The following PCDH15 variants were observed in gnomAD, a reference collection of about 807,000 sequenced individuals.
PCDH15 encodes the protein protocadherin related 15, also known as protocadherin-15.
In PCDH15, 129 loss-of-function variants were observed where a neutral mutation model predicts 178.5. The observed-to-expected ratio is 0.72, with a 90% confidence interval of 0.63 to 0.84. PCDH15 has a LOEUF of 0.84. Among genes scored for constraint, PCDH15 ranks in the 40% least tolerant of loss-of-function variants. PCDH15 has a pLI of 0.00. For synonymous variants in PCDH15, 800 were observed against 732.0 expected (o/e 1.09, Z -1.50); for missense variants, 2,230 against 2,099.9 (o/e 1.06, Z -1.21).
chr10:55,591,893 G>A (rs1169465123), intron 2 of PCDH15, among the ~76,000 whole-genome samples: 2 of 152,058 alleles, frequency 1.3e-5, no homozygotes, highest in Admixed American at 1.3e-4. Context: ...TATTAGATGT[G>A]TAATACACAT....
At chr10:54,653,615 T>C (rs865842784) in intron 2 of PCDH15, among the ~76,000 whole-genome samples, 88 of 152,298 alleles carry the variant, frequency 5.8e-4, no homozygotes, top group African/African-American at 2.0e-3. Flanking sequence ...TTTGTTACCT[T>C]TGGATTCTTT....
intron 2 of PCDH15, among the ~76,000 whole-genome samples, chr10:55,453,058 A>G: frequency 6.6e-6 from 1 of 152,278 alleles, no homozygotes; most frequent in Non-Finnish European, 1.5e-5. Context: ...AATAAACTAA[A>G]TACCTCTACA....
intron 2 of PCDH15, among the ~76,000 whole-genome samples, chr10:55,566,670 AAAT>A (rs1842308755): frequency 6.6e-6 from 1 of 151,838 alleles, no homozygotes; most frequent in Admixed American, 6.6e-5. Flanking sequence ...AAAATTAATA[AAAT>A]AATTTAATTT....
intron 3 of PCDH15, among the ~76,000 whole-genome samples, chr10:54,854,709 T>A: frequency 6.6e-6 from 1 of 152,170 alleles, no homozygotes; most frequent in East Asian, 1.9e-4. Context: ...CAGCTCTGGC[T>A]GATCCCAGGG....
At chr10:54,232,753 A>T (rs544912447) in intron 9 of PCDH15, among the ~76,000 whole-genome samples, 1 of 152,066 alleles carries the variant, frequency 6.6e-6, no homozygotes, top group East Asian at 1.9e-4. Flanking sequence ...AGTAAATTGC[A>T]TCTTATCTCT....
Position 54,023,231 on chromosome 10 carries a change from C to T in PCDH15, c.2221-34G>A, listed in dbSNP as rs57385317. 36,159 of 1,595,236 alleles carry T rather than the reference C, an allele frequency of 0.023. 3,803 individuals are homozygous for T. The African/African-American group carries it at 0.29, about 13-fold the overall frequency. ...TAAAACAAAAAAACAAAAAAATTCA[C>T]GTAAGTTTTGACGGGCTACTGTAAA... On this transcript the variant is annotated intron_variant, in intron 18 of 37. Coordinates refer to ENST00000644397, the MANE Select transcript of PCDH15 (RefSeq NM_001384140.1).
chr10:54,608,846 A>T (rs1394919081), intron 2 of PCDH15, among the ~76,000 whole-genome samples: 1 of 152,086 alleles, frequency 6.6e-6, no homozygotes, highest in African/African-American at 2.4e-5. Context: ...TGAGAAAAAA[A>T]AATCAGTCCC....
At chr10:54,193,288 T>C (rs935139937) in intron 11 of PCDH15, among the ~76,000 whole-genome samples, 4 of 152,138 alleles carry the variant, frequency 2.6e-5, no homozygotes, top group African/African-American at 9.7e-5. Context: ...TAGGCAAGCA[T>C]AGGGCTTAGT....
At chr10:54,580,239 C>CA (rs1319354395) in intron 2 of PCDH15, among the ~76,000 whole-genome samples, 1 of 151,712 alleles carries the variant, frequency 6.6e-6, no homozygotes, top group African/African-American at 2.4e-5. Context: ...ATGAACAAAA[C>CA]AAAAAAGAGA....
At chr10:54,813,969 C>T (rs1053542275) in intron 3 of PCDH15, among the ~76,000 whole-genome samples, 1 of 152,144 alleles carries the variant, frequency 6.6e-6, no homozygotes, top group African/African-American at 2.4e-5. Context: ...AAGCATGTCA[C>T]AATCACTCCA....
intron 13 of PCDH15, among the ~76,000 whole-genome samples, chr10:54,172,390 C>G (rs1055728903): frequency 2.6e-5 from 4 of 152,084 alleles, no homozygotes; most frequent in African/African-American, 9.7e-5. Context: ...CGGCCCCACC[C>G]TTATCTCCCT....
At chr10:54,659,767 A>AAAT (rs1565878522) in intron 2 of PCDH15, among the ~76,000 whole-genome samples, 1 of 150,010 alleles carries the variant, frequency 6.7e-6, no homozygotes, top group Non-Finnish European at 1.5e-5. Flanking sequence ...AAAAAAAAAA[A>AAAT]ATACATATCA....
In PCDH15 at chr10:54,310,272, G is replaced by A. The variant is rs575816336; in HGVS notation, c.876+6999C>T. 1.1e-4 allele frequency among the ~76,000 whole-genome samples: 16 copies of A among 152,124 alleles called. No individual in the cohort carries two copies. The East Asian group carries it at 2.9e-3, about 28-fold the overall frequency. ...AACACCAAAAAATCAGATCAGCATT[G>A]TATTGAAAAACAAAAACAAAAACAA... On this transcript the variant is annotated intron_variant, in intron 8 of 37. Coordinates refer to ENST00000644397, the MANE Select transcript of PCDH15 (RefSeq NM_001384140.1).
intron 2 of PCDH15, among the ~76,000 whole-genome samples, chr10:54,930,578 CTA>C (rs1383354547): frequency 6.6e-6 from 1 of 152,144 alleles, no homozygotes; most frequent in Non-Finnish European, 1.5e-5. Context: ...ACTTGTGTGA[CTA>C]GCTTGGTCAA....
chr10:54,123,729 G>C (rs1049630419), intron 15 of PCDH15, among the ~76,000 whole-genome samples: 2 of 152,076 alleles, frequency 1.3e-5, no homozygotes, highest in African/African-American at 4.8e-5. Flanking sequence ...TACTCTTCAT[G>C]ATAGCAAGGA....
intron 1 of PCDH15, among the ~76,000 whole-genome samples, chr10:55,284,475 A>T (rs143115500): frequency 6.6e-6 from 1 of 152,128 alleles, no homozygotes; most frequent in Non-Finnish European, 1.5e-5. Context: ...GCTCAAAAGA[A>T]TGAGTTATGG....
chr10:55,599,316 C>A (rs1843013149), intron 2 of PCDH15: 1 of 152,232 alleles, frequency 6.6e-6, no homozygotes, highest in African/African-American at 2.4e-5. Flanking sequence ...AATTTTAGTT[C>A]AACTTTAAAC....
chr10:54,329,696 T>C lies in PCDH15; in HGVS notation c.605A>G (p.Asp202Gly), dbSNP rs1402813863. The change falls in exon 7 of 38, where the codon GAC (aspartate) becomes GGC (glycine). Residue 202 changes from aspartate to glycine, a missense_variant. Transcript: ENST00000644397. Reference protein sequence around the residue: ...QYNPDDPTSNDTFEIPLMLTG... With the variant: ...QYNPDDPTSNGTFEIPLMLTG... ...CAACATTAGGGGAATTTCAAAGGTGTCATTGGATGTCTGCAAATATTAAAG... is the reference window on the plus strand; with the variant it reads ...CAACATTAGGGGAATTTCAAAGGTGCCATTGGATGTCTGCAAATATTAAAG... 1.3e-6 allele frequency: 2 copies of C among 1,569,850 alleles called. No homozygotes were observed. Among genetic ancestry groups the C allele is most frequent in the South Asian group, 2.2e-5 (2 of 90,220 alleles).
chr10:54,110,774 G>A lies in PCDH15; in HGVS notation c.1918-20711C>T, dbSNP rs370400288. ...GTGTATGACTGGGAAAATCAGAGAC[G>A]AAGATGACATTTTTTCCCTTATTTT... is the stretch of plus-strand genomic sequence containing the variant. On this transcript the variant is annotated intron_variant, in intron 15 of 37. Transcript: ENST00000644397. 3.9e-5 allele frequency among the ~76,000 whole-genome samples: 6 copies of A among 152,086 alleles called. No homozygotes were observed. The East Asian group carries it at 5.8e-4, about 15-fold the overall frequency.
Sources: gnomAD v4.1 joint callset for allele counts (sites outside exome capture counted in the v4.1 genomes callset) on GRCh38, gnomAD v4.1.1 for gene constraint, MANE v1.5 for transcripts, NCBI Gene and HGNC (gene_info 2026-07-23, HGNC 2026-07-21) for gene names.